Variants in SLC25A14 observed in about 807,000 individuals in gnomAD.
SLC25A14 encodes the protein brain mitochondrial carrier protein 1.
A neutral mutation model predicts 28.1 loss-of-function variants in SLC25A14; 8 were observed. That is an observed-to-expected ratio of 0.28 (90% confidence interval 0.17 to 0.51). The LOEUF is 0.51. SLC25A14 is among the 20% of genes least tolerant of loss of function. SLC25A14 has a pLI of 0.97. For synonymous variants in SLC25A14, 74 were observed against 90.6 expected (o/e 0.82, Z 1.04); for missense variants, 135 against 263.8 (o/e 0.51, Z 3.38).
intron 7 of SLC25A14, among the ~76,000 whole-genome samples, chrX:130,361,575 T>C (rs2033966584): frequency 8.9e-6 from 1 of 112,807 alleles, no homozygotes; most frequent in Non-Finnish European, 1.9e-5. Context: ...ACATGAATAC[T>C]GAAAACATTT....
At chrX:130,365,376 CT>C in intron 8 of SLC25A14, 164 bp from the exon 9 acceptor site, 10 of 1,031,809 alleles carry the variant, frequency 9.7e-6, no homozygotes, top group Non-Finnish European at 9.9e-6. Flanking sequence ...TGAATGATGT[CT>C]CTTTAGAAAA....
At chrX:130,361,323 G>T (rs2033957513) in intron 7 of SLC25A14, among the ~76,000 whole-genome samples, 1 of 112,036 alleles carries the variant, frequency 8.9e-6, no homozygotes, top group South Asian at 3.7e-4. Flanking sequence ...GGATTATGTG[G>T]TAAATCTATG....
At chrX:130,362,100 A>ATTTT (rs1298511799) in intron 7 of SLC25A14, among the ~76,000 whole-genome samples, 12 of 91,293 alleles carry the variant, frequency 1.3e-4, no homozygotes, top group African/African-American at 3.0e-4. Context: ...CTTCCACTTC[A>ATTTT]TTTTATTTAT....
intron 6 of SLC25A14, among the ~76,000 whole-genome samples, chrX:130,351,183 TC>T (rs1422583646): frequency 9.0e-6 from 1 of 111,538 alleles, no homozygotes; most frequent in Non-Finnish European, 1.9e-5. Context: ...GAAATGTACG[TC>T]CCCACCTATT....
intron 6 of SLC25A14, among the ~76,000 whole-genome samples, chrX:130,356,438 A>G (rs980050188): frequency 1.8e-5 from 2 of 109,792 alleles, no homozygotes; most frequent in African/African-American, 3.3e-5. Context: ...CATGTTGGCC[A>G]GGCTGGTTTC....
intron 9 of SLC25A14, 110 bp from the exon 10 acceptor site, chrX:130,371,454 A>T: frequency 1.9e-6 from 1 of 516,495 alleles, no homozygotes; most frequent in Non-Finnish European, 3.4e-6. Flanking sequence ...GGACCTTTAG[A>T]GAAAAGACTA....
chrX:130,356,883 C>G (rs1043066466), intron 6 of SLC25A14, among the ~76,000 whole-genome samples: 1 of 111,710 alleles, frequency 9.0e-6, no homozygotes, highest in Non-Finnish European at 1.9e-5. Flanking sequence ...TTTGTAGGAC[C>G]TCATCTCAGT....
intron 7 of SLC25A14, among the ~76,000 whole-genome samples, chrX:130,361,550 C>T (rs935348614): frequency 8.9e-6 from 1 of 112,652 alleles, no homozygotes; most frequent in Non-Finnish European, 1.9e-5. Context: ...TGTTTATCTT[C>T]CTGCTCTGAT....
rs2034000774 is a variant in SLC25A14, at chrX:130,362,440, G to T, written c.595-2188G>T. On this transcript the variant is annotated intron_variant, in intron 7 of 10. Transcript: ENST00000545805. The stretch of plus-strand genomic sequence containing the variant: ...TATCCCAGAAAGCAGATGTCCTCAT[G>T]GTATGTTATTTTCAATTTTAACTGA... 2.7e-5 allele frequency among the ~76,000 whole-genome samples: 3 copies of T among 110,363 alleles called. No individual in the cohort carries two copies. The Admixed American group carries it at 2.9e-4, about 11-fold the overall frequency.
chrX:130,352,734 A>G (rs986636515), intron 6 of SLC25A14, among the ~76,000 whole-genome samples: 1 of 112,105 alleles, frequency 8.9e-6, no homozygotes, highest in Non-Finnish European at 1.9e-5. Flanking sequence ...GTGTCCGTTC[A>G]TGTCTTTTGC....
At chrX:130,367,827 G>T (rs2034156694) in intron 9 of SLC25A14, among the ~76,000 whole-genome samples, 1 of 112,203 alleles carries the variant, frequency 8.9e-6, no homozygotes, top group African/African-American at 3.2e-5. Context: ...TTTATGCCCA[G>T]GCTGGAGTGC....
intron 9 of SLC25A14, 108 bp downstream of exon 9, chrX:130,365,784 CAT>C: frequency 1.7e-6 from 1 of 586,839 alleles, no homozygotes; most frequent in Non-Finnish European, 2.7e-6. Context: ...ATGAAAGAAT[CAT>C]ATTTTTTTAG....
intron 7 of SLC25A14, chrX:130,359,053 T>C (rs1371911797): frequency 1.0e-6 from 1 of 995,034 alleles, no homozygotes; most frequent in South Asian, 2.0e-5. Context: ...GTAGTGCTTA[T>C]GTTCAAAAGC....
chrX:130,358,910 T>C (rs2033876132), intron 7 of SLC25A14, 175 bp downstream of exon 7: 1 of 699,086 alleles, frequency 1.4e-6, no homozygotes, highest in African/African-American at 2.1e-5. Flanking sequence ...TTCTGCATAA[T>C]GTTTGGGGAT....
At chrX:130,365,023 ATC>A in intron 8 of SLC25A14, 1 of 346,755 alleles carries the variant, frequency 2.9e-6, no homozygotes, top group Non-Finnish European at 3.8e-6. Flanking sequence ...TAGCTTCTAT[ATC>A]TAATAAGCAC....
intron 3 of SLC25A14, 24 bp from the exon 4 acceptor site, chrX:130,346,520 A>G (rs1357605255): frequency 1.7e-6 from 2 of 1,176,146 alleles, no homozygotes; most frequent in East Asian, 6.0e-5. Flanking sequence ...GGACATACTT[A>G]TAAATAAGTG....
chrX:130,353,977 G>A (rs897748285), intron 6 of SLC25A14, among the ~76,000 whole-genome samples: 5 of 110,602 alleles, frequency 4.5e-5, no homozygotes, highest in African/African-American at 1.3e-4. Context: ...CTATTCCTTA[G>A]CTTCATTCAT....
intron 6 of SLC25A14, among the ~76,000 whole-genome samples, chrX:130,354,798 C>T (rs1356017493): frequency 9.0e-6 from 1 of 111,576 alleles, no homozygotes; most frequent in Non-Finnish European, 1.9e-5. Flanking sequence ...GGTCATAAGC[C>T]CTGCAAAGCC....
At chrX:130,352,657 T>G (rs1008731192) in intron 6 of SLC25A14, among the ~76,000 whole-genome samples, 2 of 112,668 alleles carry the variant, frequency 1.8e-5, no homozygotes, top group African/African-American at 6.4e-5. Context: ...TTTACATTTC[T>G]CTGATGATTA....
Sources: gnomAD v4.1 joint callset for allele counts (sites outside exome capture counted in the v4.1 genomes callset) on GRCh38, gnomAD v4.1.1 for gene constraint, MANE v1.5 for transcripts, NCBI Gene and HGNC (gene_info 2026-07-23, HGNC 2026-07-21) for gene names.